IQCJ: variants seen among roughly 807,000 people sequenced by gnomAD.
IQCJ encodes the protein IQ motif containing J, also known as IQ domain-containing protein J.
Under a neutral mutation model 11.0 loss-of-function variants are expected in IQCJ, and 9 were observed. That is an observed-to-expected ratio of 0.82 (90% CI 0.49 to 1.43). IQCJ has a LOEUF of 1.43. Among genes scored for constraint, IQCJ ranks in the 40% most tolerant of loss-of-function variants. IQCJ has a pLI of 0.00. For synonymous variants in IQCJ, 55 were observed against 51.3 expected (o/e 1.07, Z -0.31); for missense variants, 146 against 133.2 (o/e 1.10, Z -0.47).
intron 1 of IQCJ, among the ~76,000 whole-genome samples, chr3:159,202,516 G>C (rs1302692309): frequency 6.6e-6 from 1 of 152,120 alleles, no homozygotes; most frequent in Non-Finnish European, 1.5e-5. Context: ...TGCCCAAGTG[G>C]GTTCTCTCTT....
intron 1 of IQCJ, among the ~76,000 whole-genome samples, chr3:159,164,479 T>G (rs1722052472): frequency 6.6e-6 from 1 of 152,196 alleles, no homozygotes; most frequent in Non-Finnish European, 1.5e-5. Flanking sequence ...TAGAATTAGG[T>G]TCAGCTCTCC....
chr3:159,167,647 GAATT>G (rs1463203810), intron 1 of IQCJ, among the ~76,000 whole-genome samples: 2 of 152,132 alleles, frequency 1.3e-5, no homozygotes, highest in Non-Finnish European at 2.9e-5. Context: ...CAGAATTCTT[GAATT>G]AATTAATTAG....
At chr3:159,128,087 A>G (rs1019224178) in intron 1 of IQCJ, among the ~76,000 whole-genome samples, 1 of 152,214 alleles carries the variant, frequency 6.6e-6, no homozygotes, top group Admixed American at 6.5e-5. Flanking sequence ...CATCTTCATA[A>G]TACTGTAAGG....
intron 1 of IQCJ, among the ~76,000 whole-genome samples, chr3:159,150,856 G>T (rs992594743): frequency 6.6e-6 from 1 of 152,134 alleles, no homozygotes; most frequent in African/African-American, 2.4e-5. Context: ...TGCCTACTCA[G>T]CTCTCATGGT....
intron 1 of IQCJ, among the ~76,000 whole-genome samples, chr3:159,193,234 A>G (rs967673101): frequency 6.6e-6 from 1 of 152,188 alleles, no homozygotes; most frequent in Non-Finnish European, 1.5e-5. Flanking sequence ...AGTTGTGAAG[A>G]TGAGACACAA....
intron 1 of IQCJ, among the ~76,000 whole-genome samples, chr3:159,121,309 A>AC (rs1559993551): frequency 5.9e-5 from 9 of 151,394 alleles, no homozygotes. Flanking sequence ...AATCAAAAAA[A>AC]TTTTTTTTAG....
chr3:159,204,865 A>T (rs768473703), intron 1 of IQCJ, among the ~76,000 whole-genome samples: 2 of 152,166 alleles, frequency 1.3e-5, no homozygotes, highest in African/African-American at 4.8e-5. Context: ...TGCCTCTTCA[A>T]TTTGCACTTT....
At chr3:159,112,297 G>T (rs1208774337) in intron 1 of IQCJ, among the ~76,000 whole-genome samples, 2 of 151,976 alleles carry the variant, frequency 1.3e-5, no homozygotes, top group African/African-American at 4.8e-5. Context: ...CTGCCTCACT[G>T]TGCCACCTAT....
intron 1 of IQCJ, among the ~76,000 whole-genome samples, chr3:159,233,001 T>G (rs1315298097): frequency 6.6e-6 from 1 of 152,244 alleles, no homozygotes; most frequent in East Asian, 1.9e-4. Flanking sequence ...TCCTAGAGAC[T>G]GCTCTCCAGA....
intron 1 of IQCJ, among the ~76,000 whole-genome samples, chr3:159,089,454 T>C (rs1280971878): frequency 1.3e-5 from 2 of 151,998 alleles, no homozygotes; most frequent in African/African-American, 4.8e-5. Context: ...TTCCTGAATC[T>C]GAATGTTGGC....
At chr3:159,156,708 CAG>C (rs942144464) in intron 1 of IQCJ, among the ~76,000 whole-genome samples, 32 of 152,236 alleles carry the variant, frequency 2.1e-4, no homozygotes, top group African/African-American at 7.5e-4. Context: ...TGTAAAGAGA[CAG>C]AGCTCCAGGT....
intron 1 of IQCJ, among the ~76,000 whole-genome samples, chr3:159,199,105 C>T (rs1027013409): frequency 3.7e-4 from 57 of 152,234 alleles, no homozygotes; most frequent in African/African-American, 1.1e-3. Flanking sequence ...TTGTAGTAGG[C>T]AGAATAATGG....
At chr3:159,193,326 A>C (rs1343402621) in intron 1 of IQCJ, among the ~76,000 whole-genome samples, 1 of 152,208 alleles carries the variant, frequency 6.6e-6, no homozygotes, top group Non-Finnish European at 1.5e-5. Flanking sequence ...ATATATTCTA[A>C]GTACTGGTGG....
chr3:159,138,429 T>C (rs192895260), intron 1 of IQCJ, among the ~76,000 whole-genome samples: 31 of 152,326 alleles, frequency 2.0e-4, no homozygotes, highest in Admixed American at 2.0e-3. Flanking sequence ...ATGAGACTTA[T>C]CCAGGAGTTC....
At chr3:159,194,000 C>G (rs1322038369) in intron 1 of IQCJ, among the ~76,000 whole-genome samples, 1 of 152,180 alleles carries the variant, frequency 6.6e-6, no homozygotes, top group Non-Finnish European at 1.5e-5. Flanking sequence ...TCCAAAAACC[C>G]TTCAGACATT....
chr3:159,089,567 A>T (rs1327156228), intron 1 of IQCJ, among the ~76,000 whole-genome samples: 1 of 151,366 alleles, frequency 6.6e-6, no homozygotes, highest in African/African-American at 2.5e-5. Context: ...CAATCAGATG[A>T]AGATTTGGTC....
intron 1 of IQCJ, among the ~76,000 whole-genome samples, chr3:159,204,925 G>C (rs1415498619): frequency 1.3e-5 from 2 of 152,190 alleles, no homozygotes; most frequent in Non-Finnish European, 2.9e-5. Context: ...TAGCAGGCCA[G>C]GGATGTCCTG....
chr3:159,080,749 A>G (rs1224328020), intron 1 of IQCJ, among the ~76,000 whole-genome samples: 2 of 152,112 alleles, frequency 1.3e-5, no homozygotes, highest in Non-Finnish European at 2.9e-5. Context: ...ATCTTGCCTA[A>G]GGCCACACAG....
intron 1 of IQCJ, among the ~76,000 whole-genome samples, chr3:159,113,824 A>G (rs1394860874): frequency 6.6e-6 from 1 of 151,738 alleles, no homozygotes; most frequent in Non-Finnish European, 1.5e-5. Context: ...AAAATACTGA[A>G]TAAGATGAAT....
Sources: gnomAD v4.1 joint callset for allele counts (sites outside exome capture counted in the v4.1 genomes callset) on GRCh38, gnomAD v4.1.1 for gene constraint, MANE v1.5 for transcripts, NCBI Gene and HGNC (gene_info 2026-07-23, HGNC 2026-07-21) for gene names.